RYR2: variants seen among roughly 807,000 people sequenced by gnomAD.
The protein encoded by RYR2 is cardiac muscle ryanodine receptor-calcium release channel.
RYR2 carries 227 observed loss-of-function variants against 601.1 expected under a neutral mutation model. The ratio of observed to expected loss-of-function variants is 0.38; its 90% CI spans 0.34 to 0.42. The LOEUF is 0.42. Among genes scored for constraint, RYR2 ranks in the 10% least tolerant of loss-of-function variants. The probability of loss-of-function intolerance (pLI) is 1.00; values close to 1 mark genes in which losing one functional copy is unlikely to be tolerated. For missense variants in RYR2, 4,646 were observed against 6,156.5 expected (o/e 0.75, Z 8.21); for synonymous variants, 2,223 against 2,175.1 (o/e 1.02, Z -0.61).
intron 17 of RYR2, among the ~76,000 whole-genome samples, chr1:237,479,467 A>G (rs1350049989): frequency 6.6e-6 from 1 of 152,212 alleles, no homozygotes; most frequent in Non-Finnish European, 1.5e-5. Context: ...AGAACTTTTA[A>G]AATTGATGTA....
At chr1:237,081,312 A>G (rs865844281) in intron 1 of RYR2, among the ~76,000 whole-genome samples, 64 of 150,182 alleles carry the variant, frequency 4.3e-4, no homozygotes, top group Middle Eastern at 6.9e-3. Context: ...AAGAAAGTCA[A>G]CAAAGGTCTG....
At chr1:237,646,004 G>A (rs1372004502) in intron 48 of RYR2, among the ~76,000 whole-genome samples, 1 of 151,270 alleles carries the variant, frequency 6.6e-6, no homozygotes, top group Non-Finnish European at 1.5e-5. Context: ...AGCCTCCCGA[G>A]TAGCTGGGAC....
Position 237,589,823 on chromosome 1 carries a change from C to T in RYR2, c.3629C>T (p.Ala1210Val), listed in dbSNP as rs1326918058. The stretch of plus-strand genomic sequence containing the variant: ...ATACCTGTGTGTAGCCTTGGAGTGG[C>T]TCAAGTGGGTAGGATGAACTTTGGA... Reference protein sequence around the residue: ...GFIPVCSLGVAQVGRMNFGKD... With the variant: ...GFIPVCSLGVVQVGRMNFGKD... Residue 1210 changes from alanine to valine, a missense_variant, in exon 30 of 105, where the codon GCT (alanine) becomes GTT (valine). Around this residue, in one of 17 missense-constraint regions of RYR2, gnomAD observed 1,807 missense variants for 2,088.1 expected, o/e 0.87. Coordinates refer to ENST00000366574, the MANE Select transcript of RYR2 (RefSeq NM_001035.3). 2 of 1,613,686 alleles carry T rather than the reference C, an allele frequency of 1.2e-6. No homozygotes were observed. The highest frequency in any genetic ancestry group is 1.7e-6 in the Non-Finnish European group (2 of 1,179,850).
chr1:237,370,127 A>C (rs564656048), intron 6 of RYR2, among the ~76,000 whole-genome samples: 1 of 151,958 alleles, frequency 6.6e-6, no homozygotes, highest in South Asian at 2.1e-4. Flanking sequence ...CCTCATGTAT[A>C]TATGCACATA....
chr1:237,524,098 A>T (rs1337004265), intron 24 of RYR2, among the ~76,000 whole-genome samples: 1 of 152,216 alleles, frequency 6.6e-6, no homozygotes, highest in Non-Finnish European at 1.5e-5. Context: ...CCCTGCAAAG[A>T]TTTACACGTA....
intron 21 of RYR2, among the ~76,000 whole-genome samples, chr1:237,503,056 T>G (rs1413138021): frequency 6.6e-6 from 1 of 152,170 alleles, no homozygotes; most frequent in South Asian, 2.1e-4. Flanking sequence ...CACTGACCCA[T>G]TAATTAACTT....
chr1:237,522,876 C>G (rs1018428131), intron 24 of RYR2, among the ~76,000 whole-genome samples: 1 of 152,110 alleles, frequency 6.6e-6, no homozygotes, highest in Non-Finnish European at 1.5e-5. Flanking sequence ...AGGCCAAGAA[C>G]CTGCTCCCAA....
At chr1:237,542,336 G>A (rs1033514858) in intron 25 of RYR2, among the ~76,000 whole-genome samples, 3 of 152,024 alleles carry the variant, frequency 2.0e-5, no homozygotes, top group South Asian at 2.1e-4. Context: ...TAGGTGATCC[G>A]CCCGCCTCAG....
intron 2 of RYR2, among the ~76,000 whole-genome samples, chr1:237,307,509 T>G (rs1373615936): frequency 6.6e-6 from 1 of 152,238 alleles, no homozygotes; most frequent in Non-Finnish European, 1.5e-5. Flanking sequence ...TGTAATTCCT[T>G]TTGTAATATG....
intron 8 of RYR2, among the ~76,000 whole-genome samples, chr1:237,378,094 C>G (rs1188030355): frequency 6.6e-6 from 1 of 152,180 alleles, no homozygotes; most frequent in African/African-American, 2.4e-5. Flanking sequence ...AAAGACACGT[C>G]TCATGTGGCA....
In RYR2 at chr1:237,520,092, A is replaced by G. The variant is rs867734825; in HGVS notation, c.2822+8301A>G. 4.5e-4 allele frequency among the ~76,000 whole-genome samples: 68 copies of G among 152,040 alleles called. 1 individual carries two copies. Among genetic ancestry groups the G allele is most frequent in the African/African-American group, 1.4e-3 (60 of 41,480 alleles). ...TATTGTAAATAGGATTGCCTCCTTG[A>G]TTTGTTTCTTAGTTAGATTGTTACT... On this transcript the variant is annotated intron_variant, in intron 24 of 104. Transcript: ENST00000366574.
chr1:237,418,179 A>G (rs1235960407), intron 11 of RYR2, among the ~76,000 whole-genome samples: 3 of 152,218 alleles, frequency 2.0e-5, no homozygotes, highest in Middle Eastern at 3.4e-3. Context: ...AGTAGCTGGG[A>G]CTACAGGCAC....
rs397975831 is a variant in RYR2, at chr1:237,346,367, C to CAAAAAAAAAAAAAAA, written c.274-9595_274-9581dup. On this transcript the variant is annotated intron_variant, in intron 3 of 104. Transcript: ENST00000366574. Reference sequence around the variant, plus strand: ...CTGGGCAAAGTGAGAGGGTCTACCTCAAAAAAAAAAAAAAAAAGTGCATAT... The same window carrying CAAAAAAAAAAAAAAA: ...CTGGGCAAAGTGAGAGGGTCTACCTCAAAAAAAAAAAAAAAAAAAAAAAAAAAAAAAAGTGCATAT... 6.2e-3 allele frequency among the ~76,000 whole-genome samples: 382 copies of CAAAAAAAAAAAAAAA among 62,104 alleles called. 12 individuals carry two copies. The highest frequency in any genetic ancestry group is 0.02 in the African/African-American group (357 of 17,548). The allele number at this position is 62,104 out of a possible 152,430, so 40.7% of individuals were successfully genotyped here. A position where few individuals can be genotyped will look rare whatever the true frequency, so the allele number is the denominator to read the frequency against.
intron 63 of RYR2, among the ~76,000 whole-genome samples, chr1:237,696,709 A>G (rs1344916435): frequency 7.1e-6 from 1 of 140,748 alleles, no homozygotes; most frequent in East Asian, 2.1e-4. Context: ...TACACCATTC[A>G]GTGGTGCCGC....
chr1:237,505,281 T>A (rs1665100661), intron 22 of RYR2, among the ~76,000 whole-genome samples: 1 of 152,220 alleles, frequency 6.6e-6, no homozygotes, highest in South Asian at 2.1e-4. Context: ...GTTCTGAGGT[T>A]GGCTATGAAT....
intron 24 of RYR2, among the ~76,000 whole-genome samples, chr1:237,512,242 G>C (rs1461690099): frequency 1.3e-5 from 2 of 152,138 alleles, no homozygotes; most frequent in African/African-American, 2.4e-5. Context: ...GAAATGTGAG[G>C]TCATAGCCTG....
intron 70 of RYR2, among the ~76,000 whole-genome samples, chr1:237,710,708 T>TAGATAGATAGAC (rs1264003259): frequency 3.9e-5 from 6 of 152,072 alleles, no homozygotes; most frequent in African/African-American, 1.4e-4. Context: ...TGTAGATAGA[T>TAGATAGATAGAC]AGATAGATAA....
At chr1:237,687,366 C>CTTTTTT (rs10679267) in intron 62 of RYR2, 89 bp from the exon 63 acceptor site, 124 of 259,110 alleles carry the variant, frequency 4.8e-4, no homozygotes, top group South Asian at 1.1e-3. Flanking sequence ...TTTTCTTCTT[C>CTTTTTT]TTTTTTTTTT....
intron 1 of RYR2, among the ~76,000 whole-genome samples, chr1:237,123,829 G>A (rs1478029153): frequency 5.9e-5 from 9 of 151,484 alleles, no homozygotes; most frequent in East Asian, 2.0e-4. Context: ...CACCGCGCCC[G>A]GCTAATTTTT....
Sources: gnomAD v4.1 joint callset for allele counts (sites outside exome capture counted in the v4.1 genomes callset) on GRCh38, gnomAD v4.1.1 for gene constraint, gnomAD v4.1.1 regional missense constraint, MANE v1.5 for transcripts, NCBI Gene and HGNC (gene_info 2026-07-23, HGNC 2026-07-21) for gene names.